PDZD8: variants seen among roughly 807,000 people sequenced by gnomAD.
PDZD8 encodes the protein PDZ domain containing 8.
PDZD8 carries 14 observed loss-of-function variants against 85.8 expected under a neutral mutation model. The observed-to-expected ratio is 0.16, with a 90% CI of 0.11 to 0.26. The LOEUF (loss-of-function observed/expected upper bound fraction) is 0.26, where lower values mean the gene tolerates loss of function less well. Among genes scored for constraint, PDZD8 ranks in the 10% least tolerant of loss-of-function variants. The pLI, the probability that PDZD8 is intolerant of heterozygous loss-of-function variation, is 1.00. For synonymous variants in PDZD8, 592 were observed against 568.6 expected, an observed-to-expected ratio of 1.04 and a Z score of -0.59; for missense variants, 1,197 against 1,424.3, an observed-to-expected ratio of 0.84 and a Z score of 2.57.
At position 117,287,952 on chromosome 10, in the gene PDZD8, A is replaced by G. The variant is rs558248393; in HGVS notation, c.1261+2234T>C. Among the ~76,000 whole-genome samples, 4 of 152,324 alleles carry G rather than the reference A, an allele frequency of 2.6e-5. No individual in the cohort carries two copies. In the South Asian group the frequency reaches 8.3e-4, roughly 32 times the overall value. ...AAATGAAAAATTAGTCCATCTAATGATCTACAGTAGGCAAAAACTTCAACT... is the reference window on the plus strand; with the variant it reads ...AAATGAAAAATTAGTCCATCTAATGGTCTACAGTAGGCAAAAACTTCAACT... On this transcript the variant is annotated intron_variant, in intron 4 of 4. Transcript: ENST00000334464.
intron 2 of PDZD8, among the ~76,000 whole-genome samples, chr10:117,323,449 T>A (rs1415768713): frequency 1.3e-5 from 2 of 152,176 alleles, no homozygotes; most frequent in Non-Finnish European, 2.9e-5. Flanking sequence ...AAACAGCTTT[T>A]TTATAAAATA....
intron 3 of PDZD8, among the ~76,000 whole-genome samples, chr10:117,308,653 A>G (rs1843985304): frequency 6.6e-6 from 1 of 152,110 alleles, no homozygotes; most frequent in South Asian, 2.1e-4. Flanking sequence ...ATAGGACACC[A>G]TTTGTGGAAA....
intron 1 of PDZD8, among the ~76,000 whole-genome samples, chr10:117,360,677 G>C (rs1844982053): frequency 6.6e-6 from 1 of 151,608 alleles, no homozygotes; most frequent in Non-Finnish European, 1.5e-5. Context: ...CAAGTAAATG[G>C]TGCAGTCAAA....
At chr10:117,306,047 C>T (rs1461061171) in intron 3 of PDZD8, among the ~76,000 whole-genome samples, 3 of 152,096 alleles carry the variant, frequency 2.0e-5, no homozygotes, top group South Asian at 2.1e-4. Context: ...GGTACAGGTA[C>T]GTCTGTTATC....
rs1277117030 is a variant in PDZD8, at chr10:117,280,353, G to A, written c.*2915C>T. 6.6e-6 allele frequency: 1 copy of A among 152,150 alleles called. No homozygotes were observed. The highest frequency in any genetic ancestry group is 1.5e-5 in the Non-Finnish European group (1 of 68,014). 9.4% of individuals were successfully genotyped at this position (152,150 alleles called of 1,614,324 possible). On this transcript the variant is annotated 3_prime_UTR_variant, in exon 5 of 5. Transcript: ENST00000334464. ...AACAATAGTAAAAAAATGTTTTGGG[G>A]CAGTCTGCAAAACAGCAATTTTGTT...
At chr10:117,351,977 C>A (rs1385007870) in intron 1 of PDZD8, among the ~76,000 whole-genome samples, 1 of 152,118 alleles carries the variant, frequency 6.6e-6, no homozygotes, top group Admixed American at 6.5e-5. Flanking sequence ...CTATACTTGG[C>A]GTGTTTAATT....
intron 3 of PDZD8, among the ~76,000 whole-genome samples, chr10:117,306,313 A>T (rs1843942472): frequency 6.6e-6 from 1 of 152,358 alleles, no homozygotes; most frequent in African/African-American, 2.4e-5. Flanking sequence ...CTCAGGTTCA[A>T]AAGGCTGTTA....
At chr10:117,301,812 T>C (rs1389624027) in intron 3 of PDZD8, among the ~76,000 whole-genome samples, 1 of 152,142 alleles carries the variant, frequency 6.6e-6, no homozygotes, top group African/African-American at 2.4e-5. Context: ...CACAAAGAGA[T>C]ACACATTTGT....
At chr10:117,343,446 G>A (rs1844651187) in intron 1 of PDZD8, among the ~76,000 whole-genome samples, 1 of 152,124 alleles carries the variant, frequency 6.6e-6, no homozygotes, top group Non-Finnish European at 1.5e-5. Context: ...AAAAAAACTA[G>A]TAACTAAATT....
At chr10:117,341,203 C>T in intron 1 of PDZD8, 101 bp from the exon 2 acceptor site, 5 of 1,237,342 alleles carry the variant, frequency 4.0e-6, no homozygotes, top group South Asian at 2.8e-5. Flanking sequence ...AAAATGAACA[C>T]CTAATACTAC....
intron 2 of PDZD8, among the ~76,000 whole-genome samples, chr10:117,326,986 C>CGT (rs1844328592): frequency 6.6e-6 from 1 of 152,210 alleles, no homozygotes; most frequent in African/African-American, 2.4e-5. Context: ...GCTTAGGGAA[C>CGT]ATACTCCAAA....
intron 1 of PDZD8, among the ~76,000 whole-genome samples, chr10:117,360,275 A>G (rs1208293923): frequency 6.6e-6 from 1 of 152,206 alleles, no homozygotes. Context: ...TCAGGGAACC[A>G]AAGTAATTCT....
chr10:117,294,981 G>A (rs539880561), intron 3 of PDZD8, among the ~76,000 whole-genome samples: 1 of 152,136 alleles, frequency 6.6e-6, no homozygotes, highest in African/African-American at 2.4e-5. Context: ...TTCCAAAATA[G>A]CTGGAAGAGA....
intron 3 of PDZD8, among the ~76,000 whole-genome samples, chr10:117,290,738 G>T (rs1844744355): frequency 6.6e-6 from 1 of 151,644 alleles, no homozygotes; most frequent in Non-Finnish European, 1.5e-5. Context: ...ATAATACTGA[G>T]ACATAGTAGT....
At chr10:117,304,456 T>C (rs563702963) in intron 3 of PDZD8, among the ~76,000 whole-genome samples, 1 of 152,100 alleles carries the variant, frequency 6.6e-6, no homozygotes, top group African/African-American at 2.4e-5. Flanking sequence ...TGTGGGCTTT[T>C]GGGTTAATGC....
intron 2 of PDZD8, among the ~76,000 whole-genome samples, chr10:117,327,175 A>G (rs1304272023): frequency 6.6e-6 from 1 of 152,214 alleles, no homozygotes; most frequent in Non-Finnish European, 1.5e-5. Flanking sequence ...TGGCATGTTG[A>G]AACTGGCAAT....
rs1167962237 is a variant in PDZD8, at chr10:117,283,505, G to A, written c.3228C>T (p.Ala1076=). 6.2e-7 allele frequency: 1 copy of A among 1,614,166 alleles called. No individual in the cohort carries two copies. The highest frequency in any genetic ancestry group is 1.1e-5 in the South Asian group (1 of 91,078). Residue 1076 remains alanine (A), a synonymous_variant, in exon 5 of 5, where the codon GCC becomes GCT. Transcript: ENST00000334464. ...GTAGCCTTTCACCTGATTTAGCTAA[G>A]GCAGCAGAAAGAAGTGATTTTTTCC... ...DTRKKSLLSA[A]LAKSGERLQA...
rs771528965 is a variant in PDZD8, at chr10:117,277,307, A to C, written c.*5961T>G. On this transcript the variant is annotated 3_prime_UTR_variant, in exon 5 of 5. Transcript: ENST00000334464. The stretch of plus-strand genomic sequence containing the variant: ...AATCATCAAAGTGTTTAATTGTATA[A>C]AACAGTGTTTCCAGTGACACAACTC... The C allele has an allele frequency of 1.5e-6, 2 of 1,299,418 alleles. No homozygotes were observed. Among genetic ancestry groups the C allele is most frequent in the South Asian group, 2.5e-5 (2 of 81,086 alleles). 80.5% of individuals were successfully genotyped at this position (1,299,418 alleles called of 1,614,324 possible). A position where few individuals can be genotyped will look rare whatever the true frequency, so the allele number is the denominator to read the frequency against.
At chr10:117,357,218 C>A (rs1256894112) in intron 1 of PDZD8, among the ~76,000 whole-genome samples, 2 of 151,984 alleles carry the variant, frequency 1.3e-5, no homozygotes, top group African/African-American at 4.8e-5. Flanking sequence ...CACAGTGAAA[C>A]CCCCATCTCT....
Sources: gnomAD v4.1 joint callset for allele counts (sites outside exome capture counted in the v4.1 genomes callset) on GRCh38, gnomAD v4.1.1 for gene constraint, MANE v1.5 for transcripts, NCBI Gene and HGNC (gene_info 2026-07-23, HGNC 2026-07-21) for gene names.